MTHFD1L: variants seen among roughly 807,000 people sequenced by gnomAD.
The protein encoded by MTHFD1L is monofunctional C1-tetrahydrofolate synthase, mitochondrial.
In MTHFD1L, 81 loss-of-function variants were observed where a neutral mutation model predicts 119.5. The observed-to-expected ratio is 0.68, with a 90% CI of 0.57 to 0.82. The LOEUF (loss-of-function observed/expected upper bound fraction) is 0.82. Among genes scored for constraint, MTHFD1L ranks in the 40% least tolerant of loss-of-function variants. MTHFD1L has a pLI of 0.00. For synonymous variants in MTHFD1L, 430 were observed against 475.2 expected (o/e 0.90, Z 1.24); for missense variants, 1,125 against 1,253.4 (o/e 0.90, Z 1.55).
chr6:150,921,736 A>G (rs190260630), intron 9 of MTHFD1L, among the ~76,000 whole-genome samples: 1 of 152,280 alleles, frequency 6.6e-6, no homozygotes, highest in Admixed American at 6.5e-5. Flanking sequence ...ATTTTCTCAC[A>G]TTTTCCTGTT....
chr6:151,008,421 G>T (rs1781697903), intron 20 of MTHFD1L, among the ~76,000 whole-genome samples: 1 of 152,176 alleles, frequency 6.6e-6, no homozygotes, highest in Non-Finnish European at 1.5e-5. Flanking sequence ...TTGCTTCCCA[G>T]ATTGTAATGG....
intron 26 of MTHFD1L, among the ~76,000 whole-genome samples, chr6:151,083,546 T>C (rs537426725): frequency 6.6e-6 from 1 of 152,296 alleles, no homozygotes; most frequent in Admixed American, 6.5e-5. Context: ...ATCTTTCTGG[T>C]AATGAATAAA....
chr6:150,920,172 G>A (rs1000283920), intron 9 of MTHFD1L, among the ~76,000 whole-genome samples: 6 of 152,182 alleles, frequency 3.9e-5, no homozygotes, highest in African/African-American at 9.7e-5. Context: ...CTCATGTGCC[G>A]CCACTTCCTT....
At position 150,965,021 on chromosome 6, in the gene MTHFD1L, T is replaced by C. The variant is rs1796988809; in HGVS notation, c.1997T>C (p.Leu666Pro). Residue 666 changes from leucine to proline, a missense_variant, in exon 19 of 28, where the codon CTG becomes CCG. Leu to Pro is a moderately conservative substitution (Grantham distance 98, BLOSUM62 -3). Around this residue, in one of 3 missense-constraint regions of MTHFD1L, gnomAD observed 1,058 missense variants for 1,151.2 expected, o/e 0.92. Transcript: ENST00000367321. ...VLMKDAIKPN[L>P]MQTLEGTPVF... is the part of the protein sequence containing the mutation. ...ATGAAAGATGCAATAAAACCAAACC[T>C]GATGCAGACCCTGGAAGTAAGTGGT... 1 of 1,613,902 alleles carries C rather than the reference T, an allele frequency of 6.2e-7. No individual in the cohort carries two copies. The highest frequency in any genetic ancestry group is 8.5e-7 in the Non-Finnish European group (1 of 1,179,896).
intron 1 of MTHFD1L, among the ~76,000 whole-genome samples, chr6:150,871,114 A>G (rs1287656166): frequency 6.9e-6 from 1 of 144,748 alleles, no homozygotes; most frequent in Non-Finnish European, 1.5e-5. Flanking sequence ...TATATAATAT[A>G]TATTAATATA....
chr6:151,008,654 A>C (rs1437533833), intron 20 of MTHFD1L, among the ~76,000 whole-genome samples: 1 of 152,156 alleles, frequency 6.6e-6, no homozygotes, highest in African/African-American at 2.4e-5. Context: ...CCTTTCTAGC[A>C]ACTGAGGGGG....
At chr6:151,046,471 GTATATA>G (rs1156377344) in intron 26 of MTHFD1L, among the ~76,000 whole-genome samples, 1,572 of 36,186 alleles carry the variant, frequency 0.043, 17 homozygotes, top group Non-Finnish European at 0.065. Context: ...ATGTGTGTGT[GTATATA>G]TATATATATA....
rs572312508 is a variant in MTHFD1L, at chr6:150,926,038, C to T, written c.1083-84C>T. ...GTAATTGCATTGATTTCATCGTTGG[C>T]GTGATGTGTGGCTGTTTTCACTCCA... On this transcript the variant is annotated intron_variant, in intron 10 of 27. Coordinates refer to ENST00000367321, the MANE Select transcript of MTHFD1L (RefSeq NM_015440.5). This position sits in a 1 kb window ranked among gnomAD's most constrained non-coding sequence, Gnocchi z 4.3. 100 of 1,178,794 alleles carry T rather than the reference C, an allele frequency of 8.5e-5. 1 individual carries two copies. Among genetic ancestry groups the T allele is most frequent in the African/African-American group, 6.9e-4 (45 of 65,154 alleles). 73.0% of individuals were successfully genotyped at this position (1,178,794 alleles called of 1,614,324 possible).
intron 1 of MTHFD1L, among the ~76,000 whole-genome samples, chr6:150,872,413 T>G (rs1779697608): frequency 6.6e-6 from 1 of 152,192 alleles, no homozygotes; most frequent in African/African-American, 2.4e-5. Flanking sequence ...CTGTAGTTAC[T>G]AATTGTCCTA....
intron 16 of MTHFD1L, among the ~76,000 whole-genome samples, chr6:150,952,154 C>T (rs1261013138): frequency 6.6e-6 from 1 of 152,018 alleles, no homozygotes; most frequent in East Asian, 1.9e-4. Context: ...CAAAATTCTT[C>T]CGGAAAAAAA....
chr6:150,877,726 C>T (rs1217130316), intron 3 of MTHFD1L, 42 bp downstream of exon 3: 2 of 1,614,034 alleles, frequency 1.2e-6, no homozygotes, highest in East Asian at 4.5e-5. Context: ...TAACTTTTAA[C>T]AATACATTCT....
chr6:150,897,724 C>T (rs1380573661), intron 7 of MTHFD1L, among the ~76,000 whole-genome samples: 1 of 152,250 alleles, frequency 6.6e-6, no homozygotes, highest in Non-Finnish European at 1.5e-5. Flanking sequence ...GAAGCATCAC[C>T]TTCAGCCCAC....
intron 24 of MTHFD1L, among the ~76,000 whole-genome samples, chr6:151,032,725 C>T (rs771327961): frequency 6.6e-6 from 1 of 152,190 alleles, no homozygotes; most frequent in Non-Finnish European, 1.5e-5. Context: ...TATTTTCCTC[C>T]ATTGACTCAG....
intron 13 of MTHFD1L, among the ~76,000 whole-genome samples, chr6:150,940,385 G>T (rs1792882944): frequency 6.6e-6 from 1 of 152,032 alleles, no homozygotes; most frequent in Non-Finnish European, 1.5e-5. Context: ...ATCGTCCCAG[G>T]CCTCAGGTCA....
intron 1 of MTHFD1L, chr6:150,866,490 A>G: frequency 7.6e-7 from 1 of 1,315,972 alleles, no homozygotes. Context: ...GGGTTCGGGA[A>G]GGGCAAGCGG....
At chr6:150,938,471 C>CT (rs766589619) in intron 12 of MTHFD1L, among the ~76,000 whole-genome samples, 23 of 148,934 alleles carry the variant, frequency 1.5e-4, no homozygotes, top group South Asian at 1.5e-3. Flanking sequence ...CTATTTTTAC[C>CT]TTTTTTTTTT....
At position 150,961,470 on chromosome 6, in the gene MTHFD1L, G is replaced by A. The variant is rs528370984; in HGVS notation, c.1944+1055G>A. Among the ~76,000 whole-genome samples, 257 of 152,300 alleles carry A rather than the reference G, an allele frequency of 1.7e-3. 1 individual carries two copies. The highest frequency in any genetic ancestry group is 3.1e-3 in the Non-Finnish European group (213 of 68,032). The stretch of plus-strand genomic sequence containing the variant: ...CATTTTTGTATATAAGTGCATGGGT[G>A]TGGACACAGGCCTCTAAGATAGCCA... On this transcript the variant is annotated intron_variant, in intron 18 of 27. Transcript: ENST00000367321.
At chr6:151,094,295 G>A (rs537609167) in intron 27 of MTHFD1L, among the ~76,000 whole-genome samples, 1 of 152,246 alleles carries the variant, frequency 6.6e-6, no homozygotes, top group South Asian at 2.1e-4. Context: ...CTGAGTTACG[G>A]CTCCAAGCCA....
At chr6:150,973,977 A>G (rs1438747698) in intron 20 of MTHFD1L, among the ~76,000 whole-genome samples, 1 of 152,228 alleles carries the variant, frequency 6.6e-6, no homozygotes, top group African/African-American at 2.4e-5. Flanking sequence ...AATATGAACT[A>G]TGTTCAGGTC....
Sources: gnomAD v4.1 joint callset for allele counts (sites outside exome capture counted in the v4.1 genomes callset) on GRCh38, gnomAD v4.1.1 for gene constraint, gnomAD v4.1.1 regional missense constraint, Gnocchi (gnomAD v3.1) non-coding constraint, MANE v1.5 for transcripts, NCBI Gene and HGNC (gene_info 2026-07-23, HGNC 2026-07-21) for gene names.